RIMS2: variants seen among roughly 807,000 people sequenced by gnomAD.
The protein encoded by RIMS2 is regulating synaptic membrane exocytosis protein 2.
In RIMS2, 59 loss-of-function variants were observed where a neutral mutation model predicts 174.4. That is an observed-to-expected ratio of 0.34 (90% CI 0.27 to 0.42). The LOEUF (loss-of-function observed/expected upper bound fraction) is 0.42. Ranked by LOEUF, RIMS2 falls within the 10% of genes least tolerant of loss-of-function variation. The pLI, the probability that RIMS2 is intolerant of heterozygous loss-of-function variation, is 1.00. For synonymous variants in RIMS2, 606 were observed against 572.5 expected, an observed-to-expected ratio of 1.06 and a Z score of -0.84; for missense variants, 1,620 against 1,666.3, an observed-to-expected ratio of 0.97 and a Z score of 0.48.
intron 1 of RIMS2, among the ~76,000 whole-genome samples, chr8:103,636,683 T>G (rs2135402112): frequency 1.3e-5 from 2 of 152,172 alleles, no homozygotes; most frequent in African/African-American, 4.8e-5. Flanking sequence ...GGTGTTGCTA[T>G]TTATTTGGCC....
chr8:103,992,046 C>G (rs913644139), intron 17 of RIMS2, among the ~76,000 whole-genome samples: 2 of 152,028 alleles, frequency 1.3e-5, no homozygotes, highest in African/African-American at 4.8e-5. Context: ...ATTTAATGTG[C>G]TTAGTAAACA....
In RIMS2 at chr8:104,191,212, G is replaced by A. The variant is rs533978906; in HGVS notation, c.3335-53704G>A. On this transcript the variant is annotated intron_variant, in intron 19 of 23. Coordinates refer to ENST00000504942, the Ensembl canonical transcript of RIMS2. Reference sequence around the variant, plus strand: ...TATTTATGGTGGGTTTCTCAGCGCAGTGAAAATCAAGCCTATCATTTTAAG... The same window carrying A: ...TATTTATGGTGGGTTTCTCAGCGCAATGAAAATCAAGCCTATCATTTTAAG... Among the ~76,000 whole-genome samples the A allele has an allele frequency of 4.3e-4, 65 of 152,044 alleles. 1 individual carries two copies. Among genetic ancestry groups the A allele is most frequent in the Non-Finnish European group, 7.5e-4 (51 of 67,980 alleles).
intron 19 of RIMS2, among the ~76,000 whole-genome samples, chr8:104,105,270 T>G (rs2098022661): frequency 6.6e-6 from 1 of 151,904 alleles, no homozygotes; most frequent in Non-Finnish European, 1.5e-5. Context: ...AACTTCTAAA[T>G]AAAAGTGGAA....
chr8:104,110,205 G>T (rs2098154162), intron 19 of RIMS2, among the ~76,000 whole-genome samples: 1 of 152,084 alleles, frequency 6.6e-6, no homozygotes, highest in African/African-American at 2.4e-5. Flanking sequence ...GATCTAAATT[G>T]CCCAGTATTA....
chr8:103,734,674 A>T (rs1234637579), intron 2 of RIMS2, among the ~76,000 whole-genome samples: 2 of 151,766 alleles, frequency 1.3e-5, no homozygotes, highest in African/African-American at 4.8e-5. Context: ...ACATTTCTGC[A>T]GTTTTGTCTT....
intron 19 of RIMS2, among the ~76,000 whole-genome samples, chr8:104,107,225 T>C (rs13261102): frequency 0.23 from 35,684 of 152,064 alleles, 4,488 homozygotes; most frequent in African/African-American, 0.33. Context: ...TTCTGGTTTC[T>C]TTTTGAGTAA....
intron 18 of RIMS2, 64 bp downstream of exon 20, chr8:104,013,685 C>A: frequency 2.3e-6 from 3 of 1,332,624 alleles, no homozygotes; most frequent in South Asian, 1.2e-5. Flanking sequence ...TTTATTTTCC[C>A]AACAGTTAAC....
intron 11 of RIMS2, 37 bp from the exon 14 acceptor site, chr8:103,931,226 A>G: frequency 6.7e-7 from 1 of 1,494,474 alleles, no homozygotes; most frequent in South Asian, 1.2e-5. Flanking sequence ...TGTGTAGTAA[A>G]TGTTTGAATT....
At chr8:103,722,564 A>T (rs1433436480) in intron 2 of RIMS2, among the ~76,000 whole-genome samples, 1 of 152,094 alleles carries the variant, frequency 6.6e-6, no homozygotes, top group African/African-American at 2.4e-5. Flanking sequence ...GCCGACACTG[A>T]TCTGACAGGA....
intron 9 of RIMS2, chr8:103,921,002 GCAACAACAACAACAACAACAA>G (rs112922890): frequency 3.6e-5 from 7 of 197,028 alleles, no homozygotes; most frequent in South Asian, 7.1e-5. Flanking sequence ...CTGTCTCAAA[GCAACAACAACAACAACAACAA>G]CAACAACAAC....
intron 2 of RIMS2, among the ~76,000 whole-genome samples, chr8:103,728,969 T>G (rs1421803084): frequency 6.6e-6 from 1 of 152,002 alleles, no homozygotes; most frequent in Non-Finnish European, 1.5e-5. Context: ...TTGTTGAATT[T>G]GGTTTGCTAG....
At chr8:104,109,851 A>AAC (rs1232345499) in intron 19 of RIMS2, among the ~76,000 whole-genome samples, 4 of 152,160 alleles carry the variant, frequency 2.6e-5, no homozygotes, top group Non-Finnish European at 5.9e-5. Flanking sequence ...TCATAGTTTG[A>AAC]TATGGTTGAC....
At chr8:103,972,318 T>C (rs1463691505) in intron 15 of RIMS2, among the ~76,000 whole-genome samples, 1 of 152,218 alleles carries the variant, frequency 6.6e-6, no homozygotes, top group Non-Finnish European at 1.5e-5. Context: ...CTTTCTCTCA[T>C]GTCCCTCAAA....
intron 3 of RIMS2, among the ~76,000 whole-genome samples, chr8:103,846,667 C>T (rs911165792): frequency 2.0e-5 from 3 of 152,132 alleles, no homozygotes; most frequent in Non-Finnish European, 2.9e-5. Context: ...ATTAGTGTAC[C>T]CTTTGTACCA....
chr8:103,783,447 AGT>A (rs2098411576), intron 3 of RIMS2, among the ~76,000 whole-genome samples: 2 of 144,980 alleles, frequency 1.4e-5, no homozygotes, highest in East Asian at 4.1e-4. Flanking sequence ...CAGTCCCCAG[AGT>A]GTGATATTCC....
intron 14 of RIMS2, among the ~76,000 whole-genome samples, chr8:103,952,646 G>T (rs945503769): frequency 6.6e-6 from 1 of 152,128 alleles, no homozygotes; most frequent in Admixed American, 6.5e-5. Context: ...AATCCATGAA[G>T]ATGGGGGAGA....
intron 19 of RIMS2, among the ~76,000 whole-genome samples, chr8:104,022,777 T>G (rs947790371): frequency 1.3e-5 from 2 of 152,200 alleles, no homozygotes; most frequent in African/African-American, 4.8e-5. Flanking sequence ...AGTTATAAAT[T>G]TGTTTTTATA....
chr8:104,103,476 G>A (rs2097951669), intron 19 of RIMS2, among the ~76,000 whole-genome samples: 1 of 152,130 alleles, frequency 6.6e-6, no homozygotes, highest in Non-Finnish European at 1.5e-5. Context: ...CTATAAATAT[G>A]ACTTTAGAGG....
At chr8:104,058,980 T>G (rs534500432) in intron 19 of RIMS2, among the ~76,000 whole-genome samples, 144 of 152,134 alleles carry the variant, frequency 9.5e-4, no homozygotes, top group African/African-American at 3.3e-3. Context: ...AGCCTTGTAG[T>G]ATAGTTTGAA....
Sources: allele counts gnomAD v4.1 joint callset (sites outside exome capture counted in the v4.1 genomes callset), GRCh38; gene constraint gnomAD v4.1.1; transcripts MANE v1.5; gene names NCBI Gene and HGNC (gene_info 2026-07-23, HGNC 2026-07-21).